The following ARID1B variants were observed in gnomAD, a reference collection of about 807,000 sequenced individuals.
The protein encoded by ARID1B is AT-rich interactive domain-containing protein 1B.
Under a neutral mutation model 212.3 loss-of-function variants are expected in ARID1B, and 30 were observed. The ratio of observed to expected loss-of-function variants is 0.14; its 90% CI spans 0.11 to 0.19. ARID1B has a LOEUF of 0.19. ARID1B is among the 10% of genes least tolerant of loss of function. ARID1B has a pLI of 1.00. For missense variants in ARID1B, 2,891 were observed against 3,204.0 expected (o/e 0.90, Z 2.36); for synonymous variants, 1,402 against 1,301.7 (o/e 1.08, Z -1.66).
At chr6:157,116,632 C>T (rs1404765661) in intron 6 of ARID1B, among the ~76,000 whole-genome samples, 1 of 151,614 alleles carries the variant, frequency 6.6e-6, no homozygotes, top group Non-Finnish European at 1.5e-5. Context: ...AGAATGGATG[C>T]TGCTCCAGGA....
intron 8 of ARID1B, chr6:157,166,148 G>A (rs544333297): frequency 6.6e-6 from 1 of 152,228 alleles, no homozygotes; most frequent in African/African-American, 2.4e-5. Flanking sequence ...TATCATTTCT[G>A]TTTTTAGGGC....
intron 4 of ARID1B, among the ~76,000 whole-genome samples, chr6:157,014,585 C>T (rs1779796484): frequency 1.3e-5 from 2 of 152,140 alleles, no homozygotes; most frequent in Admixed American, 6.6e-5. Context: ...GGAATATAAG[C>T]AGTTTTTTTC....
chr6:156,777,967 C>T lies in ARID1B; in HGVS notation c.287C>T (p.Thr96Ile), dbSNP rs973526057. Residue 96 changes from threonine to isoleucine, a missense_variant, in exon 1 of 20, where the codon ACC becomes ATC. Thr to Ile is a moderately conservative substitution (Grantham distance 89). Coordinates refer to ENST00000636930, the MANE Select transcript of ARID1B (RefSeq NM_001374828.1). Reference sequence around the variant, plus strand: ...GCGGGCGCCGCGGCCGCCGCCGGCACCCACAGCGCCAAGAGCGGCGGCTCC... The same window carrying T: ...GCGGGCGCCGCGGCCGCCGCCGGCATCCACAGCGCCAAGAGCGGCGGCTCC... ...HNAGAAAAAG[T>I]HSAKSGGSEA... is the part of the protein sequence containing the mutation. The T allele has an allele frequency of 2.4e-5, 37 of 1,530,400 alleles. No individual in the cohort carries two copies. Among genetic ancestry groups the T allele is most frequent in the Non-Finnish European group, 3.1e-5 (35 of 1,144,806 alleles). The allele number at this position is 1,530,400 out of a possible 1,614,324, so 94.8% of individuals were successfully genotyped here.
chr6:156,880,453 A>G (rs1308300128), intron 2 of ARID1B, among the ~76,000 whole-genome samples: 1 of 152,238 alleles, frequency 6.6e-6, no homozygotes, highest in African/African-American at 2.4e-5. Context: ...ACAAATGCAC[A>G]TCAGCCAGGC....
At chr6:157,178,542 G>A (rs776198169) in intron 11 of ARID1B, among the ~76,000 whole-genome samples, 1 of 152,184 alleles carries the variant, frequency 6.6e-6, no homozygotes, top group East Asian at 1.9e-4. Context: ...AATTTATCAC[G>A]TAAACTGAGG....
At chr6:156,949,337 A>G (rs1450448401) in intron 4 of ARID1B, among the ~76,000 whole-genome samples, 1 of 152,140 alleles carries the variant, frequency 6.6e-6, no homozygotes. Flanking sequence ...CACCTAATTG[A>G]GCTTTTCAGC....
intron 2 of ARID1B, chr6:156,870,394 T>C: frequency 6.6e-6 from 1 of 152,340 alleles, no homozygotes; most frequent in Non-Finnish European, 1.5e-5. Context: ...CCGCTGGCTG[T>C]TTATAACCAG....
rs1789981922 is a variant in ARID1B at position 157,148,772 on chromosome 6, A to G, written c.2910A>G (p.Pro970=). 3.7e-6 allele frequency: 6 copies of G among 1,613,248 alleles called. No individual in the cohort carries two copies. The highest frequency in any genetic ancestry group is 3.4e-6 in the Non-Finnish European group (4 of 1,179,948). Residue 970 remains proline (P), a synonymous_variant, in exon 8 of 20, where the codon CCA becomes CCG. Coordinates refer to ENST00000636930, the MANE Select transcript of ARID1B (RefSeq NM_001374828.1). The surrounding 1 kb of genome is among the most constrained non-coding windows in gnomAD (Gnocchi z 5.6). The part of the protein sequence containing the change: ...PCGAVPLGRM[P]SAGMQNRPFP... ...GTGCTGTGCCCCTGGGACGAATGCC[A>G]TCAGCTGGGATGCAGAACAGACCAT...
At position 157,148,082 on chromosome 6, in the gene ARID1B, T is replaced by C. The variant is rs1019486361; in HGVS notation, c.2762-542T>C. 1.3e-5 allele frequency among the ~76,000 whole-genome samples: 2 copies of C among 151,724 alleles called. No individual in the cohort carries two copies. The highest frequency in any genetic ancestry group is 4.8e-5 in the African/African-American group (2 of 41,248). ...AAGAAAGAAAAATATTATTCCCAAC[T>C]TAGAGGAAAACTGGGGCTCATGTCA... On this transcript the variant is annotated intron_variant, in intron 7 of 19. Transcript: ENST00000636930. This position sits in a 1 kb window ranked among gnomAD's most constrained non-coding sequence, Gnocchi z 5.6.
chr6:156,781,231 A>G (rs1475604024), intron 1 of ARID1B, among the ~76,000 whole-genome samples: 1 of 152,170 alleles, frequency 6.6e-6, no homozygotes, highest in Non-Finnish European at 1.5e-5. Flanking sequence ...AATACTAAGA[A>G]TCATTTCATA....
At chr6:156,800,267 C>T (rs1012982582) in intron 1 of ARID1B, among the ~76,000 whole-genome samples, 1 of 152,148 alleles carries the variant, frequency 6.6e-6, no homozygotes, top group Admixed American at 6.6e-5. Flanking sequence ...TGGCAGCCAT[C>T]AGCTTTGTGT....
chr6:156,983,117 G>C (rs1034088814), intron 4 of ARID1B, among the ~76,000 whole-genome samples: 31 of 150,140 alleles, frequency 2.1e-4, no homozygotes, highest in African/African-American at 7.6e-4. Flanking sequence ...AGAAAAAAAA[G>C]AAAGGCCTGG....
chr6:157,002,911 C>G (rs1358332943), intron 4 of ARID1B, among the ~76,000 whole-genome samples: 1 of 152,300 alleles, frequency 6.6e-6, no homozygotes, highest in East Asian at 1.9e-4. Flanking sequence ...ACTTGAAGGA[C>G]AGTAGCCAGG....
At chr6:157,175,877 A>AG (rs1554230289) in intron 11 of ARID1B, 1 of 152,062 alleles carries the variant, frequency 6.6e-6, no homozygotes, top group East Asian at 1.9e-4. Flanking sequence ...AAAAAAAAAA[A>AG]CAACATGCAA....
At chr6:156,957,964 TC>T (rs1274415268) in intron 4 of ARID1B, among the ~76,000 whole-genome samples, 2 of 152,228 alleles carry the variant, frequency 1.3e-5, no homozygotes, top group African/African-American at 4.8e-5. Flanking sequence ...CTTAATTCAT[TC>T]ACTTTTTTAG....
intron 7 of ARID1B, among the ~76,000 whole-genome samples, chr6:157,136,355 G>A (rs1236772714): frequency 6.6e-6 from 1 of 152,084 alleles, no homozygotes; most frequent in East Asian, 1.9e-4. Flanking sequence ...TGATCCCACA[G>A]CTGTTACAGT....
intron 12 of ARID1B, 120 bp from the exon 13 acceptor site, chr6:157,184,111 C>A: frequency 1.2e-6 from 1 of 842,540 alleles, no homozygotes; most frequent in Non-Finnish European, 1.8e-6. Flanking sequence ...GAGTAATGAG[C>A]ATTAGTTAAA....
At chr6:157,036,355 C>A (rs1781325364) in intron 4 of ARID1B, 1 of 152,826 alleles carries the variant, frequency 6.5e-6, no homozygotes, top group Non-Finnish European at 1.5e-5. Flanking sequence ...TTCAGGAACT[C>A]TTGCTCTGCA....
At chr6:156,849,608 T>C (rs1037264079) in intron 2 of ARID1B, among the ~76,000 whole-genome samples, 1 of 152,246 alleles carries the variant, frequency 6.6e-6, no homozygotes, top group East Asian at 1.9e-4. Flanking sequence ...TGCATGTTTT[T>C]CTGTCCCAGA....
Sources: allele counts gnomAD v4.1 joint callset (sites outside exome capture counted in the v4.1 genomes callset), GRCh38; gene constraint gnomAD v4.1.1; non-coding constraint Gnocchi (gnomAD v3.1); transcripts MANE v1.5; gene names NCBI Gene and HGNC (gene_info 2026-07-23, HGNC 2026-07-21).